ADNP: variants seen among roughly 807,000 people sequenced by gnomAD.
ADNP encodes the protein activity dependent neuroprotector homeobox.
A neutral mutation model predicts 84.9 loss-of-function variants in ADNP; 4 were observed. The observed-to-expected ratio is 0.05, with a 90% CI of 0.02 to 0.11. The LOEUF is 0.11. Ranked by LOEUF, ADNP falls within the 10% of genes least tolerant of loss-of-function variation. ADNP has a pLI of 1.00. For missense variants in ADNP, 1,132 were observed against 1,326.0 expected (o/e 0.85, Z 2.27); for synonymous variants, 554 against 468.1 (o/e 1.18, Z -2.37).
rs1425423341 is a variant in ADNP at position 50,893,416 on chromosome 20, G to C, written c.1298C>G (p.Thr433Arg). Residue 433 changes from threonine (T) to arginine (R), a missense_variant, in exon 6 of 6, where the codon ACA (threonine) becomes AGA (arginine). This residue lies in a region of ADNP where 239 missense variants were observed against 213.2 expected (regional missense o/e 1.12). Transcript: ENST00000621696. This position sits in a 1 kb window ranked among gnomAD's most constrained non-coding sequence, Gnocchi z 4.4. ...GGAAGTGTTACCTGGGGGAGGGCCT[G>C]TGGCAGCTGCAGCAGGTTTGGAACT... is the stretch of plus-strand genomic sequence containing the variant. The part of the protein sequence containing the change: ...QSSSKPAAAA[T>R]GPPPGNTSST... 2 of 1,614,080 alleles carry C rather than the reference G, an allele frequency of 1.2e-6. No individual in the cohort carries two copies. The highest frequency in any genetic ancestry group is 1.7e-5 in the Admixed American group (1 of 60,002).
In ADNP at chr20:50,928,837, A is replaced by G. The variant is rs1383388528; in HGVS notation, c.-264-12T>C. On this transcript the variant is annotated splice_polypyrimidine_tract_variant and intron_variant, in intron 1 of 5. Coordinates refer to ENST00000621696, the MANE Select transcript of ADNP (RefSeq NM_001282531.3). ...TGTGCATCTCACACCTATGGAAATA[A>G]CAAGAGGAGTAAAATCTATGGAAAT... 1 of 152,196 alleles carries G rather than the reference A, an allele frequency of 6.6e-6. No individual in the cohort carries two copies. Among genetic ancestry groups the G allele is most frequent in the East Asian group, 1.9e-4 (1 of 5,206 alleles). 9.4% of individuals were successfully genotyped at this position (152,196 alleles called of 1,614,324 possible).
In ADNP at chr20:50,892,071, A is replaced by G. The variant is rs772604232; in HGVS notation, c.2643T>C (p.Asn881=). 1.9e-6 allele frequency: 3 copies of G among 1,614,080 alleles called. No homozygotes were observed. Among genetic ancestry groups the G allele is most frequent in the South Asian group, 1.1e-5 (1 of 91,072 alleles). Residue 881 remains asparagine (N), a synonymous_variant, in exon 6 of 6, where the codon AAT becomes AAC. Coordinates refer to ENST00000621696, the MANE Select transcript of ADNP (RefSeq NM_001282531.3). Reference sequence around the variant, plus strand: ...CACTTTCATTGGATTCTTCTTCCAAATTTTCAAAACTGTCTGAGGAACTGT... The same window carrying G: ...CACTTTCATTGGATTCTTCTTCCAAGTTTTCAAAACTGTCTGAGGAACTGT... The part of the protein sequence containing the change: ...EDDSSSDSFE[N]LEEESNESGS...
intron 2 of ADNP, among the ~76,000 whole-genome samples, chr20:50,910,882 G>A (rs530138597): frequency 6.6e-6 from 1 of 152,160 alleles, no homozygotes; most frequent in South Asian, 2.1e-4. Flanking sequence ...TCCAACTCTT[G>A]AGCTCAAGTG....
At chr20:50,908,861 C>T (rs113561840) in intron 2 of ADNP, among the ~76,000 whole-genome samples, 1 of 151,990 alleles carries the variant, frequency 6.6e-6, no homozygotes, top group Non-Finnish European at 1.5e-5. Context: ...GGGGTGGGAA[C>T]AGAATAGATA....
chr20:50,926,235 G>A (rs1984283359), intron 2 of ADNP, among the ~76,000 whole-genome samples: 1 of 152,192 alleles, frequency 6.6e-6, no homozygotes, highest in African/African-American at 2.4e-5. Context: ...TTCTCTTAAT[G>A]TACATGCCTC....
At chr20:50,898,682 T>C (rs775757901) in intron 5 of ADNP, among the ~76,000 whole-genome samples, 2 of 152,214 alleles carry the variant, frequency 1.3e-5, no homozygotes, top group Non-Finnish European at 2.9e-5. Context: ...ACTGGCAACA[T>C]TATGGATTTT....
At chr20:50,903,063 CACTT>C (rs1451625578) in intron 4 of ADNP, among the ~76,000 whole-genome samples, 4 of 152,296 alleles carry the variant, frequency 2.6e-5, no homozygotes, top group African/African-American at 9.6e-5. Context: ...TCCATTCAAA[CACTT>C]ACTGATCACC....
At chr20:50,922,436 A>G (rs547223160) in intron 2 of ADNP, among the ~76,000 whole-genome samples, 4 of 152,056 alleles carry the variant, frequency 2.6e-5, no homozygotes, top group African/African-American at 9.6e-5. Context: ...AAACTTGGGG[A>G]AACACTTATG....
intron 2 of ADNP, among the ~76,000 whole-genome samples, chr20:50,927,498 T>C (rs979766508): frequency 6.6e-6 from 1 of 152,132 alleles, no homozygotes; most frequent in East Asian, 1.9e-4. Flanking sequence ...CCTTTTACTA[T>C]ACTTTAATGA....
chr20:50,902,080 A>C lies in ADNP; in HGVS notation c.138T>G (p.Phe46Leu). 6.2e-7 allele frequency: 1 copy of C among 1,613,684 alleles called. No individual in the cohort carries two copies. Among genetic ancestry groups the C allele is most frequent in the Non-Finnish European group, 8.5e-7 (1 of 1,179,576 alleles). ...EDFKQFEPNDFYLKNTTWEDV... is the reference protein window; with the variant it reads ...EDFKQFEPNDLYLKNTTWEDV... ...CCTCCCATGTAGTGTTTTTCAAATA[A>C]AAGTCATTAGGTTCAAATTGTTTAA... Residue 46 changes from phenylalanine to leucine, a missense_variant, in exon 5 of 6, where the codon TTT (phenylalanine) becomes TTG (leucine). Phe to Leu is a conservative substitution (Grantham distance 22). Coordinates refer to ENST00000621696, the MANE Select transcript of ADNP (RefSeq NM_001282531.3).
chr20:50,889,726 A>G lies in ADNP; in HGVS notation c.*1679T>C. Reference sequence around the variant, plus strand: ...TCCCATCATTGTTTTAATTGCTGGAAATGTTGGCCTAATTCTGCTTCCTTG... The same window carrying G: ...TCCCATCATTGTTTTAATTGCTGGAGATGTTGGCCTAATTCTGCTTCCTTG... On this transcript the variant is annotated 3_prime_UTR_variant, in exon 6 of 6. Transcript: ENST00000621696. 2.5e-6 allele frequency: 1 copy of G among 394,774 alleles called. No homozygotes were observed. The highest frequency in any genetic ancestry group is 4.5e-6 in the Non-Finnish European group (1 of 224,148). 24.5% of individuals were successfully genotyped at this position (394,774 alleles called of 1,614,324 possible). A position where few individuals can be genotyped will look rare whatever the true frequency, so the allele number is the denominator to read the frequency against.
In ADNP at chr20:50,890,941, T is replaced by G. The variant is rs1287704326; in HGVS notation, c.*464A>C. ...CATCACTTGAATAGGTCTAAAAGAC[T>G]GTACAAATATACATTTCAACTATTC... is the stretch of plus-strand genomic sequence containing the variant. On this transcript the variant is annotated 3_prime_UTR_variant, in exon 6 of 6. Coordinates refer to ENST00000621696, the MANE Select transcript of ADNP (RefSeq NM_001282531.3). 4 of 987,790 alleles carry G rather than the reference T, an allele frequency of 4.0e-6. No homozygotes were observed. Among genetic ancestry groups the G allele is most frequent in the Non-Finnish European group, 4.8e-6 (4 of 831,706 alleles). The allele number at this position is 987,790 out of a possible 1,614,324, so 61.2% of individuals were successfully genotyped here. A position where few individuals can be genotyped will look rare whatever the true frequency, so the allele number is the denominator to read the frequency against.
chr20:50,895,912 A>G (rs141435988), intron 5 of ADNP, among the ~76,000 whole-genome samples: 294 of 152,308 alleles, frequency 1.9e-3, no homozygotes, highest in Middle Eastern at 0.014. Flanking sequence ...ACTCTTTTGT[A>G]GTAATACTTA....
intron 2 of ADNP, chr20:50,914,229 AGACACT>A: frequency 1.3e-6 from 1 of 747,146 alleles, no homozygotes; most frequent in Non-Finnish European, 2.4e-6. Flanking sequence ...CAATCATCCA[AGACACT>A]GAGGGTAACA....
At chr20:50,914,435 T>C (rs1983340631) in intron 2 of ADNP, 1 of 474,130 alleles carries the variant, frequency 2.1e-6, no homozygotes, top group Non-Finnish European at 3.9e-6. Context: ...TATGTTGTGA[T>C]GCTGTCCCCA....
At chr20:50,921,702 C>G (rs546851498) in intron 2 of ADNP, among the ~76,000 whole-genome samples, 1 of 152,140 alleles carries the variant, frequency 6.6e-6, no homozygotes, top group African/African-American at 2.4e-5. Context: ...GATATGTATA[C>G]AAACAGAGGG....
intron 3 of ADNP, chr20:50,904,203 CCTTTT>C (rs1218630811): frequency 8.9e-6 from 5 of 559,546 alleles, no homozygotes; most frequent in Middle Eastern, 4.9e-4. Context: ...ATCCTTCCTT[CCTTTT>C]CTTAAGACAG....
At chr20:50,923,909 C>T (rs1290699851) in intron 2 of ADNP, among the ~76,000 whole-genome samples, 1 of 152,214 alleles carries the variant, frequency 6.6e-6, no homozygotes, top group African/African-American at 2.4e-5. Flanking sequence ...TCACTTCTTT[C>T]ACAAGAGCAA....
In ADNP at chr20:50,892,684, G is replaced by A; in HGVS notation, c.2030C>T (p.Ala677Val). 1 of 1,614,182 alleles carries A rather than the reference G, an allele frequency of 6.2e-7. No homozygotes were observed. Among genetic ancestry groups the A allele is most frequent in the Non-Finnish European group, 8.5e-7 (1 of 1,180,028 alleles). The change falls in exon 6 of 6, where the codon GCC becomes GTC. Residue 677 changes from alanine to valine, a missense_variant. Around this residue, in one of 10 missense-constraint regions of ADNP, gnomAD observed 39 missense variants for 96.2 expected, o/e 0.41. Transcript: ENST00000621696. ...CLGVYTSNMT[A>V]STITLHLVHC... ...AACTAGATGCAGAGTGATAGTTGAG[G>A]CGGTCATGTTGCTGGTATACACACC... is the stretch of plus-strand genomic sequence containing the variant.
Sources: allele counts gnomAD v4.1 joint callset (sites outside exome capture counted in the v4.1 genomes callset), GRCh38; gene constraint gnomAD v4.1.1; regional missense constraint gnomAD v4.1.1; non-coding constraint Gnocchi (gnomAD v3.1); transcripts MANE v1.5; gene names NCBI Gene and HGNC (gene_info 2026-07-23, HGNC 2026-07-21).